The following NARS1 variants were observed in gnomAD, a reference collection of about 807,000 sequenced individuals.
The protein encoded by NARS1 is asparaginyl-tRNA synthetase 1.
Under a neutral mutation model 79.2 loss-of-function variants are expected in NARS1, and 65 were observed. The observed-to-expected ratio is 0.82, with a 90% confidence interval of 0.67 to 1.01. The LOEUF is 1.01. Among genes scored for constraint, NARS1 ranks in the 50% least tolerant of loss-of-function variants. The probability of loss-of-function intolerance (pLI) is 0.00; values close to 1 mark genes in which losing one functional copy is unlikely to be tolerated. For synonymous variants in NARS1, 229 were observed against 238.8 expected (o/e 0.96, Z 0.38); for missense variants, 649 against 673.8 (o/e 0.96, Z 0.41).
At chr18:57,604,028 T>C (rs1249617473) in intron 11 of NARS1, among the ~76,000 whole-genome samples, 1 of 152,166 alleles carries the variant, frequency 6.6e-6, no homozygotes, top group Non-Finnish European at 1.5e-5. Flanking sequence ...GTCCCCACAA[T>C]CTTGCAAAAC....
At position 57,602,647 on chromosome 18, in the gene NARS1, C is replaced by G. The variant is rs1158257792; in HGVS notation, c.1384-161G>C. 2.5e-6 allele frequency: 3 copies of G among 1,195,456 alleles called. No homozygotes were observed. The African/African-American group carries it at 4.7e-5, about 19-fold the overall frequency. The allele number at this position is 1,195,456 out of a possible 1,614,324, so 74.1% of individuals were successfully genotyped here. A position where few individuals can be genotyped will look rare whatever the true frequency, so the allele number is the denominator to read the frequency against. On this transcript the variant is annotated intron_variant, in intron 12 of 13. Coordinates refer to ENST00000256854, the MANE Select transcript of NARS1 (RefSeq NM_004539.4). Reference sequence around the variant, plus strand: ...TTTACATTTCTCTAATTTAACAAAGCATGTCAACTTCAATCAGGGGAGGGT... The same window carrying G: ...TTTACATTTCTCTAATTTAACAAAGGATGTCAACTTCAATCAGGGGAGGGT...
In NARS1 at chr18:57,615,954, C is replaced by T; in HGVS notation, c.115G>A (p.Glu39Lys). 6.2e-7 allele frequency: 1 copy of T among 1,610,502 alleles called. No homozygotes were observed. The highest frequency in any genetic ancestry group is 8.5e-7 in the Non-Finnish European group (1 of 1,178,584). ...TCTACGTAAATGGTAGGAAATGGTT[C>T]TTTCCCTACTGTCATCAAAGCCTTG... ...GLKALMTVGKEPFPTIYVDSQ... is the reference protein window; with the variant it reads ...GLKALMTVGKKPFPTIYVDSQ... Residue 39 changes from glutamate to lysine, a missense_variant, in exon 3 of 14, where the codon GAA becomes AAA. By Grantham distance (56) the Glu-to-Lys change is moderately conservative (BLOSUM62 1). Transcript: ENST00000256854.
intron 11 of NARS1, 124 bp from the exon 12 acceptor site, chr18:57,603,067 C>T (rs1371492189): frequency 1.3e-6 from 1 of 786,554 alleles, no homozygotes; most frequent in South Asian, 1.9e-5. Context: ...ACACACCTAC[C>T]CTTAACCCAT....
intron 1 of NARS1, among the ~76,000 whole-genome samples, chr18:57,621,254 C>CTT (rs548152796): frequency 1.4e-3 from 192 of 139,322 alleles, no homozygotes; most frequent in Middle Eastern, 3.8e-3. Context: ...AGGTCTCTCT[C>CTT]TTTTTTTTTT....
chr18:57,605,130 AAAAAATAT>A (rs1207415202), intron 11 of NARS1, among the ~76,000 whole-genome samples: 1 of 93,512 alleles, frequency 1.1e-5, no homozygotes, highest in Non-Finnish European at 2.4e-5. Flanking sequence ...AGAAAAAAAA[AAAAAATAT>A]ATATATATAT....
intron 13 of NARS1, 102 bp from the exon 14 acceptor site, chr18:57,601,885 T>C: frequency 3.9e-6 from 5 of 1,271,812 alleles, no homozygotes; most frequent in Non-Finnish European, 2.2e-6. Context: ...TAGCTCACTG[T>C]GGTTAAGAAT....
At chr18:57,611,427 G>A (rs905661216) in intron 6 of NARS1, among the ~76,000 whole-genome samples, 1 of 152,012 alleles carries the variant, frequency 6.6e-6, no homozygotes, top group African/African-American at 2.4e-5. Context: ...GTAATGTGCT[G>A]GAAATTTTCC....
intron 6 of NARS1, among the ~76,000 whole-genome samples, chr18:57,610,660 A>C (rs1459231066): frequency 6.6e-6 from 1 of 152,172 alleles, no homozygotes; most frequent in Non-Finnish European, 1.5e-5. Context: ...GCAAACAACC[A>C]AATCCATAAT....
chr18:57,618,087 G>T (rs909438856), intron 2 of NARS1, among the ~76,000 whole-genome samples: 1 of 151,112 alleles, frequency 6.6e-6, no homozygotes, highest in African/African-American at 2.4e-5. Flanking sequence ...GACCAGCCTG[G>T]CCAACACGGT....
chr18:57,608,425 G>A (rs1458344224), intron 7 of NARS1, among the ~76,000 whole-genome samples: 14 of 71,264 alleles, frequency 2.0e-4, no homozygotes, highest in African/African-American at 5.2e-4. Flanking sequence ...CAACAAGAGC[G>A]AAACTCCGTC....
chr18:57,618,779 G>A (rs1356748277), intron 2 of NARS1, among the ~76,000 whole-genome samples: 10 of 152,066 alleles, frequency 6.6e-5, no homozygotes, highest in African/African-American at 2.2e-4. Context: ...ACATGCCCCT[G>A]TGGTCCGAGC....
At position 57,601,552 on chromosome 18, in the gene NARS1, C is replaced by A; in HGVS notation, c.*100G>T. 3 of 1,220,474 alleles carry A rather than the reference C, an allele frequency of 2.5e-6. No homozygotes were observed. Among genetic ancestry groups the A allele is most frequent in the East Asian group, 2.4e-5 (1 of 40,840 alleles). 75.6% of individuals were successfully genotyped at this position (1,220,474 alleles called of 1,614,324 possible). A position where few individuals can be genotyped will look rare whatever the true frequency, so the allele number is the denominator to read the frequency against. On this transcript the variant is annotated 3_prime_UTR_variant, in exon 14 of 14. Transcript: ENST00000256854. ...GTAGAAAGAAAAACAGAAAGAGAAA[C>A]CCCAATGAAACAAAAAAAGGAAGAT...
intron 11 of NARS1, among the ~76,000 whole-genome samples, chr18:57,605,479 C>A (rs749569470): frequency 1.3e-5 from 2 of 151,736 alleles, no homozygotes; most frequent in Non-Finnish European, 2.9e-5. Context: ...TGGTGGTGTG[C>A]GCCTGTAGTC....
chr18:57,605,610 C>CAAAAAAAAAAAA (rs11285116), intron 11 of NARS1, among the ~76,000 whole-genome samples: 2 of 109,628 alleles, frequency 1.8e-5, no homozygotes, highest in African/African-American at 3.4e-5. Context: ...GACTCCGTCT[C>CAAAAAAAAAAAA]AAAAAAAAAA....
intron 9 of NARS1, 87 bp downstream of exon 9, chr18:57,607,047 A>T (rs1438995946): frequency 1.4e-5 from 19 of 1,382,092 alleles, no homozygotes; most frequent in African/African-American, 2.9e-5. Flanking sequence ...GGTTTTTTTT[A>T]AAACATAAAC....
chr18:57,606,937 A>G (rs2051563029), intron 9 of NARS1, 186 bp from the exon 10 acceptor site: 3 of 908,570 alleles, frequency 3.3e-6, no homozygotes, highest in Middle Eastern at 3.4e-4. Flanking sequence ...TCCTTTATAT[A>G]TAAAAGATCA....
intron 5 of NARS1, among the ~76,000 whole-genome samples, chr18:57,612,189 G>A (rs747590113): frequency 6.6e-6 from 1 of 152,132 alleles, no homozygotes; most frequent in Non-Finnish European, 1.5e-5. Flanking sequence ...TATTTTCAAT[G>A]TATTGGACTT....
intron 2 of NARS1, among the ~76,000 whole-genome samples, chr18:57,617,850 G>A (rs1908119032): frequency 6.6e-6 from 1 of 151,142 alleles, no homozygotes; most frequent in Non-Finnish European, 1.5e-5. Flanking sequence ...GGGAGGCAGA[G>A]GTTGCAGTGA....
At chr18:57,621,454 G>C (rs1908298802) in intron 1 of NARS1, among the ~76,000 whole-genome samples, 1 of 152,152 alleles carries the variant, frequency 6.6e-6, no homozygotes, top group South Asian at 2.1e-4. Flanking sequence ...TTTCGCAGCG[G>C]GGCAGGGGAA....
Sources: gnomAD v4.1 joint callset for allele counts (sites outside exome capture counted in the v4.1 genomes callset) on GRCh38, gnomAD v4.1.1 for gene constraint, MANE v1.5 for transcripts, NCBI Gene and HGNC (gene_info 2026-07-23, HGNC 2026-07-21) for gene names.